Variants in GALNT11 observed in about 807,000 individuals in gnomAD.
GALNT11 encodes UDP-GalNAc:polypeptide N-acetylgalactosaminyltransferase 11.
In GALNT11, 47 loss-of-function variants were observed where a neutral mutation model predicts 72.7. The ratio of observed to expected loss-of-function variants is 0.65; its 90% confidence interval spans 0.51 to 0.82. The LOEUF is 0.82. Ranked by LOEUF, GALNT11 falls within the 40% of genes least tolerant of loss-of-function variation. GALNT11 has a pLI of 0.00. For synonymous variants in GALNT11, 270 were observed against 286.6 expected (o/e 0.94, Z 0.58); for missense variants, 677 against 778.4 (o/e 0.87, Z 1.55).
intron 7 of GALNT11, among the ~76,000 whole-genome samples, chr7:152,112,541 A>C (rs2088355598): frequency 7.0e-6 from 1 of 142,800 alleles, no homozygotes; most frequent in South Asian, 2.2e-4. Context: ...GTGTCTCAAC[A>C]AAAAAAAAAA....
At position 152,094,136 on chromosome 7, in the gene GALNT11, G is replaced by A; in HGVS notation, c.-38-54G>A. On this transcript the variant is annotated intron_variant, in intron 1 of 11. Transcript: ENST00000430044. The surrounding 1 kb of genome is among the most constrained non-coding windows in gnomAD (Gnocchi z 4.3). The stretch of plus-strand genomic sequence containing the variant: ...TTGGAAAACAGTGATTCTGTATTTG[G>A]TGGATGGTTTAAAGTATACTGAAGT... 7.2e-7 allele frequency: 1 copy of A among 1,395,938 alleles called. No individual in the cohort carries two copies. Among genetic ancestry groups the A allele is most frequent in the Admixed American group, 2.3e-5 (1 of 43,388 alleles). The allele number at this position is 1,395,938 out of a possible 1,614,324, so 86.5% of individuals were successfully genotyped here.
intron 1 of GALNT11, among the ~76,000 whole-genome samples, chr7:152,081,159 T>C (rs762913775): frequency 6.6e-6 from 1 of 152,208 alleles, no homozygotes; most frequent in Non-Finnish European, 1.5e-5. Flanking sequence ...AAATGTTAGA[T>C]TGGTTAGACT....
chr7:152,091,197 G>C (rs755612347), intron 1 of GALNT11, among the ~76,000 whole-genome samples: 2 of 150,964 alleles, frequency 1.3e-5, no homozygotes, highest in African/African-American at 2.4e-5. Flanking sequence ...ACAGGCGCCC[G>C]CCACCACACC....
chr7:152,111,033 T>C (rs1206223448), intron 7 of GALNT11, among the ~76,000 whole-genome samples: 2 of 152,164 alleles, frequency 1.3e-5, no homozygotes, highest in African/African-American at 4.8e-5. Flanking sequence ...TGAATGCTAC[T>C]TTGTCAGAAT....
At chr7:152,067,444 G>T (rs2084373930) in intron 1 of GALNT11, among the ~76,000 whole-genome samples, 1 of 152,148 alleles carries the variant, frequency 6.6e-6, no homozygotes, top group African/African-American at 2.4e-5. Context: ...TCTCAGTTTG[G>T]ATTTAGGGAC....
intron 1 of GALNT11, among the ~76,000 whole-genome samples, chr7:152,069,352 A>C (rs1023831078): frequency 2.6e-5 from 4 of 152,202 alleles, no homozygotes; most frequent in Admixed American, 6.5e-5. Flanking sequence ...AATGTGGTCT[A>C]TATTGGTGAA....
intron 1 of GALNT11, among the ~76,000 whole-genome samples, chr7:152,026,459 A>T: frequency 6.6e-6 from 1 of 152,224 alleles, no homozygotes; most frequent in African/African-American, 2.4e-5. Flanking sequence ...GGACCTCCAC[A>T]TCTTTACCCT....
chr7:152,097,662 T>C (rs2086479893), intron 2 of GALNT11, among the ~76,000 whole-genome samples: 1 of 152,244 alleles, frequency 6.6e-6, no homozygotes, highest in African/African-American at 2.4e-5. Context: ...TGGAATATTA[T>C]TCAGACAGAG....
intron 1 of GALNT11, among the ~76,000 whole-genome samples, chr7:152,059,207 C>T (rs572055605): frequency 9.9e-5 from 15 of 152,176 alleles, no homozygotes; most frequent in South Asian, 4.2e-4. Context: ...GCAGTCCTCC[C>T]GCCTCAGCCT....
chr7:152,053,051 T>C (rs1334680527), intron 1 of GALNT11, among the ~76,000 whole-genome samples: 3 of 152,238 alleles, frequency 2.0e-5, no homozygotes, highest in Non-Finnish European at 4.4e-5. Context: ...CTTTCACAGT[T>C]CTAAATCATG....
At chr7:152,120,507 G>T (rs1334458439) in intron 10 of GALNT11, 1 of 225,902 alleles carries the variant, frequency 4.4e-6, no homozygotes, top group African/African-American at 2.4e-5. Context: ...AGGCTGTCGG[G>T]CTCCTCTGTC....
intron 6 of GALNT11, among the ~76,000 whole-genome samples, 178 bp from the exon 7 acceptor site, chr7:152,110,350 A>C (rs2088049786): frequency 6.6e-6 from 1 of 152,220 alleles, no homozygotes; most frequent in Non-Finnish European, 1.5e-5. Context: ...ATTATTAGCA[A>C]TCTAGAAAAT....
At chr7:152,118,643 GT>G in intron 9 of GALNT11, 34 bp from the exon 10 acceptor site, 5 of 1,589,260 alleles carry the variant, frequency 3.1e-6, no homozygotes, top group Non-Finnish European at 3.4e-6. Context: ...CTCTGGGATT[GT>G]TTCCCACATT....
At position 152,094,267 on chromosome 7, in the gene GALNT11, C is replaced by T; in HGVS notation, c.40C>T (p.Leu14Phe). ...AGTTCGGTATTTCTGTTATGGGTGC[C>T]TTTTTACATCTGCGACCTGGACAGT... ...VTVRYFCYGC[L>F]FTSATWTVLL... The change falls in exon 2 of 12, where the codon CTT becomes TTT. Residue 14 changes from leucine (L) to phenylalanine (F), a missense_variant. By Grantham distance (22) the Leu-to-Phe change is conservative. Transcript: ENST00000430044. The surrounding 1 kb of genome is among the most constrained non-coding windows in gnomAD (Gnocchi z 4.3). 5.0e-6 allele frequency: 8 copies of T among 1,612,316 alleles called. No homozygotes were observed. Among genetic ancestry groups the T allele is most frequent in the Non-Finnish European group, 6.8e-6 (8 of 1,178,974 alleles).
At chr7:152,032,550 A>G (rs1310292534) in intron 1 of GALNT11, among the ~76,000 whole-genome samples, 1 of 152,212 alleles carries the variant, frequency 6.6e-6, no homozygotes, top group Non-Finnish European at 1.5e-5. Context: ...GGACTGCTGC[A>G]TTTCTTTACT....
intron 1 of GALNT11, among the ~76,000 whole-genome samples, chr7:152,037,602 A>ATT (rs60143948): frequency 6.7e-6 from 1 of 148,848 alleles, no homozygotes; most frequent in African/African-American, 2.5e-5. Context: ...AAGTTTTAGG[A>ATT]TTTTTTTTTT....
At chr7:152,043,737 A>G (rs2082984912) in intron 1 of GALNT11, among the ~76,000 whole-genome samples, 1 of 152,144 alleles carries the variant, frequency 6.6e-6, no homozygotes, top group Non-Finnish European at 1.5e-5. Flanking sequence ...CTTCAAAATA[A>G]TGAGGGGGTA....
chr7:152,025,848 T>C lies in GALNT11; in HGVS notation c.-75T>C. 3.5e-6 allele frequency: 1 copy of C among 283,418 alleles called. No homozygotes were observed. The highest frequency in any genetic ancestry group is 7.6e-6 in the Non-Finnish European group (1 of 131,316). The allele number at this position is 283,418 out of a possible 1,614,324, so 17.6% of individuals were successfully genotyped here. The stretch of plus-strand genomic sequence containing the variant: ...GGGAGAGAAGATGCCGCAGCCCGAG[T>C]CCCAGAAGGCGGCGATCCTGGGCTG... On this transcript the variant is annotated 5_prime_UTR_variant, in exon 1 of 12. Transcript: ENST00000430044.
At chr7:152,105,516 G>C in intron 5 of GALNT11, 146 bp downstream of exon 5, 1 of 1,262,564 alleles carries the variant, frequency 7.9e-7, no homozygotes, top group Non-Finnish European at 1.1e-6. Context: ...TTCTGTTTGG[G>C]AAAGACCTGT....
Sources: gnomAD v4.1 joint callset for allele counts (sites outside exome capture counted in the v4.1 genomes callset) on GRCh38, gnomAD v4.1.1 for gene constraint, Gnocchi (gnomAD v3.1) non-coding constraint, MANE v1.5 for transcripts, NCBI Gene and HGNC (gene_info 2026-07-23, HGNC 2026-07-21) for gene names.